MAPK8IP2: variants seen among roughly 807,000 people sequenced by gnomAD.
The protein encoded by MAPK8IP2 is C-Jun-amino-terminal kinase-interacting protein 2.
MAPK8IP2 carries 15 observed loss-of-function variants against 75.6 expected under a neutral mutation model. That is an observed-to-expected ratio of 0.20 (90% CI 0.13 to 0.31). The LOEUF (loss-of-function observed/expected upper bound fraction) is 0.31, where lower values mean the gene tolerates loss of function less well. MAPK8IP2 is among the 10% of genes least tolerant of loss of function. The probability of loss-of-function intolerance (pLI) is 1.00; values close to 1 mark genes in which losing one functional copy is unlikely to be tolerated. For missense variants in MAPK8IP2, 1,089 were observed against 1,211.2 expected, an observed-to-expected ratio of 0.90 and a Z score of 1.50; for synonymous variants, 632 against 554.5, an observed-to-expected ratio of 1.14 and a Z score of -1.96.
At position 50,603,664 on chromosome 22, in the gene MAPK8IP2, T is replaced by C. The variant is rs1259530019; in HGVS notation, c.486T>C (p.Arg162=). ...LNNNGGFDLV[R]PASWQETALC... is the part of the protein sequence containing the mutation. ...ACAACGGAGGCTTTGACCTGGTGCG[T>C]CCGGCCTCCTGGCAGGAGACAGCGC... The change falls in exon 4 of 12, where the codon CGT becomes CGC. Residue 162 remains arginine (R), a synonymous_variant. Coordinates refer to ENST00000329492, the MANE Select transcript of MAPK8IP2 (RefSeq NM_012324.6). 3 of 1,591,972 alleles carry C rather than the reference T, an allele frequency of 1.9e-6. No homozygotes were observed. The highest frequency in any genetic ancestry group is 1.3e-5 in the African/African-American group (1 of 74,504).
intron 8 of MAPK8IP2, 145 bp downstream of exon 8, chr22:50,606,079 C>T (rs554733314): frequency 5.3e-5 from 37 of 695,838 alleles, no homozygotes; most frequent in Admixed American, 1.1e-4. Flanking sequence ...AGGGGGAGCT[C>T]GGGGTGGGTA....
intron 10 of MAPK8IP2, among the ~76,000 whole-genome samples, chr22:50,608,813 T>C (rs5770939): frequency 0.81 from 104,781 of 129,106 alleles, 42,897 homozygotes; most frequent in East Asian, 0.98. Context: ...CTGGGGTCAC[T>C]GGGACAGCGG....
chr22:50,604,967 C>T lies in MAPK8IP2; in HGVS notation c.1668C>T (p.Gly556=), dbSNP rs761726915. The T allele has an allele frequency of 1.9e-6, 3 of 1,612,178 alleles. No individual in the cohort carries two copies. Among genetic ancestry groups the T allele is most frequent in the Admixed American group, 1.7e-5 (1 of 60,020 alleles). The change falls in exon 5 of 12, where the codon GGC becomes GGT. Residue 556 remains glycine, a synonymous_variant. Transcript: ENST00000329492. ...AGGCGGGCGCGGCGCTGCTAGGCGG[C>T]GGTCAGGTCTCGGGGGACACCTCGC... ...EEEAGAALLG[G]GQVSGDTSPD...
chr22:50,605,427 C>T lies in MAPK8IP2; in HGVS notation c.1825C>T (p.His609Tyr), dbSNP rs1232272120. Reference sequence around the variant, plus strand: ...CAACGGCGAGGAGCGAGAGCAGACTCACCGGGCTGTGTTCAGGTACGGCCT... The same window carrying T: ...CAACGGCGAGGAGCGAGAGCAGACTTACCGGGCTGTGTTCAGGTACGGCCT... ...LVNGEEREQT[H>Y]RAVFRFIPRH... Residue 609 changes from histidine to tyrosine, a missense_variant, in exon 6 of 12, where the codon CAC becomes TAC. Around this residue, in one of 2 missense-constraint regions of MAPK8IP2, gnomAD observed 960 missense variants for 1,009.6 expected, o/e 0.95. Coordinates refer to ENST00000329492, the MANE Select transcript of MAPK8IP2 (RefSeq NM_012324.6). 6.2e-7 allele frequency: 1 copy of T among 1,613,702 alleles called. No homozygotes were observed.
At position 50,611,551 on chromosome 22, in the gene MAPK8IP2, A is replaced by G. The variant is rs1475238030; in HGVS notation, c.*772A>G. 6.6e-6 allele frequency: 1 copy of G among 152,318 alleles called. No homozygotes were observed. Among genetic ancestry groups the G allele is most frequent in the Non-Finnish European group, 1.5e-5 (1 of 68,178 alleles). The allele number at this position is 152,318 out of a possible 1,614,324, so 9.4% of individuals were successfully genotyped here. A position where few individuals can be genotyped will look rare whatever the true frequency, so the allele number is the denominator to read the frequency against. On this transcript the variant is annotated 3_prime_UTR_variant, in exon 12 of 12. Transcript: ENST00000329492. The surrounding 1 kb of genome is among the most constrained non-coding windows in gnomAD (Gnocchi z 5.5). The stretch of plus-strand genomic sequence containing the variant: ...CAATAAACTCTCTGCTTGGTGTGAC[A>G]TTGGCTGTTTCTAGAGGGTGCTAAG...
In MAPK8IP2 at chr22:50,606,768, G is replaced by T. The variant is rs762632230; in HGVS notation, c.2232+3G>T. The T allele has an allele frequency of 6.3e-7, 1 of 1,574,914 alleles. No individual in the cohort carries two copies. The highest frequency in any genetic ancestry group is 1.2e-5 in the South Asian group (1 of 86,510). Reference sequence around the variant, plus strand: ...GTCTGAGCGGAGGAGGGCCCGAGGTGGGAGTGTGGGGGACTGGGGACCGGG... The same window carrying T: ...GTCTGAGCGGAGGAGGGCCCGAGGTTGGAGTGTGGGGGACTGGGGACCGGG... On this transcript the variant is annotated splice_donor_region_variant and intron_variant, in intron 9 of 11. Transcript: ENST00000329492.
In MAPK8IP2 at chr22:50,612,716, A is replaced by G. The variant is rs1235130407; in HGVS notation, c.*1937A>G. ...GCCCCACTGGGTGTGTACGTTTGAA[A>G]CTTGTGCCCCCTGGGCTAGGGCATT... On this transcript the variant is annotated 3_prime_UTR_variant, in exon 12 of 12. Transcript: ENST00000329492. The G allele has an allele frequency of 1.3e-5, 2 of 152,262 alleles. No homozygotes were observed. Among genetic ancestry groups the G allele is most frequent in the African/African-American group, 4.8e-5 (2 of 41,452 alleles). The allele number at this position is 152,262 out of a possible 1,614,324, so 9.4% of individuals were successfully genotyped here. A position where few individuals can be genotyped will look rare whatever the true frequency, so the allele number is the denominator to read the frequency against.
At chr22:50,602,548 A>G (rs936335579) in intron 2 of MAPK8IP2, among the ~76,000 whole-genome samples, 2 of 152,224 alleles carry the variant, frequency 1.3e-5, no homozygotes, top group Non-Finnish European at 2.9e-5. Flanking sequence ...ACGAGGGGGA[A>G]GGGAACCCAA....
chr22:50,608,574 T>G (rs1232451771), intron 10 of MAPK8IP2, among the ~76,000 whole-genome samples: 1 of 114,902 alleles, frequency 8.7e-6, no homozygotes, highest in Admixed American at 9.4e-5. Flanking sequence ...GACCAGACAG[T>G]GGGGCCAGCT....
chr22:50,609,846 G>A (rs760751158), intron 10 of MAPK8IP2: 21 of 519,534 alleles, frequency 4.0e-5, no homozygotes, highest in Middle Eastern at 3.1e-4. Context: ...GCCCGCAGGA[G>A]GAGGCCTGAG....
chr22:50,604,364 G>A lies in MAPK8IP2; in HGVS notation c.1065G>A (p.Val355=), dbSNP rs2071002293. The part of the protein sequence containing the change: ...ADSPWLLSNL[V]SRMISEGSSP... ...CGCCCTGGCTGCTCAGCAACCTGGT[G>A]AGCCGCATGATCTCCGAGGGCTCCT... Residue 355 remains valine, a synonymous_variant, in exon 5 of 12, where the codon GTG becomes GTA. Coordinates refer to ENST00000329492, the MANE Select transcript of MAPK8IP2 (RefSeq NM_012324.6). The A allele has an allele frequency of 1.3e-6, 2 of 1,532,900 alleles. No homozygotes were observed. Among genetic ancestry groups the A allele is most frequent in the African/African-American group, 1.4e-5 (1 of 72,454 alleles). The allele number at this position is 1,532,900 out of a possible 1,614,324, so 95.0% of individuals were successfully genotyped here. A position where few individuals can be genotyped will look rare whatever the true frequency, so the allele number is the denominator to read the frequency against.
chr22:50,610,005 G>C lies in MAPK8IP2; in HGVS notation c.2304-207G>C, dbSNP rs370486730. On this transcript the variant is annotated intron_variant, in intron 10 of 11. Coordinates refer to ENST00000329492, the MANE Select transcript of MAPK8IP2 (RefSeq NM_012324.6). This position sits in a 1 kb window ranked among gnomAD's most constrained non-coding sequence, Gnocchi z 4.3. ...GGTCATCATGGAATTAACTCAGAGCGTGAACTCTTGGTAGGTGCCCAGCCC... is the reference window on the plus strand; with the variant it reads ...GGTCATCATGGAATTAACTCAGAGCCTGAACTCTTGGTAGGTGCCCAGCCC... The C allele has an allele frequency of 4.1e-6, 3 of 731,800 alleles. No individual in the cohort carries two copies. The Admixed American group carries it at 5.3e-5, about 13-fold the overall frequency. The allele number at this position is 731,800 out of a possible 1,614,324, so 45.3% of individuals were successfully genotyped here.
chr22:50,603,441 G>A lies in MAPK8IP2; in HGVS notation c.390G>A (p.Val130=). 2.5e-6 allele frequency: 4 copies of A among 1,569,948 alleles called. No individual in the cohort carries two copies. Among genetic ancestry groups the A allele is most frequent in the Non-Finnish European group, 3.5e-6 (4 of 1,155,910 alleles). ...GGCCCCTTATCCCCTCCCCTTCCGT[G>A]GAGGAGCCCCACAAGCACCGGCCCA... is the stretch of plus-strand genomic sequence containing the variant. ...APGPLIPSPS[V]EEPHKHRPTT... is the part of the protein sequence containing the mutation. The change falls in exon 3 of 12, where the codon GTG becomes GTA. Residue 130 remains valine (V), a synonymous_variant. Transcript: ENST00000329492.
chr22:50,605,087 G>A (rs766978994), intron 5 of MAPK8IP2, 23 bp downstream of exon 5: 1 of 1,611,994 alleles, frequency 6.2e-7, no homozygotes, highest in South Asian at 1.1e-5. Context: ...TGGGGAAAAG[G>A]GGGGTGGCCC....
Position 50,604,529 on chromosome 22 carries a change from C to T in MAPK8IP2, c.1230C>T (p.Asp410=). The T allele has an allele frequency of 8.4e-7, 1 of 1,188,034 alleles. No individual in the cohort carries two copies. Among genetic ancestry groups the T allele is most frequent in the South Asian group, 4.0e-5 (1 of 24,790 alleles). 73.6% of individuals were successfully genotyped at this position (1,188,034 alleles called of 1,614,324 possible). A position where few individuals can be genotyped will look rare whatever the true frequency, so the allele number is the denominator to read the frequency against. Residue 410 remains aspartate (D), a synonymous_variant, in exon 5 of 12, where the codon GAC becomes GAT. Coordinates refer to ENST00000329492, the MANE Select transcript of MAPK8IP2 (RefSeq NM_012324.6). ...AAGPGGVELV[D]METLCAPPPP... ...GGCCCGGCGGCGTGGAGCTGGTGGA[C>T]ATGGAGACGCTGTGCGCGCCGCCGC...
chr22:50,601,720 C>A, intron 1 of MAPK8IP2, 69 bp from the exon 2 acceptor site: 1 of 1,230,302 alleles, frequency 8.1e-7, no homozygotes, highest in Non-Finnish European at 1.2e-6. Context: ...CCCTCTGCCC[C>A]TCCTCAGGGC....
intron 2 of MAPK8IP2, 58 bp from the exon 3 acceptor site, chr22:50,603,165 G>A (rs1195112800): frequency 1.2e-6 from 2 of 1,610,640 alleles, no homozygotes. Flanking sequence ...CTAGCACCTG[G>A]GCCCCTGGGC....
intron 2 of MAPK8IP2, 187 bp from the exon 3 acceptor site, chr22:50,603,036 G>A: frequency 1.5e-6 from 2 of 1,293,158 alleles, no homozygotes; most frequent in Non-Finnish European, 2.1e-6. Context: ...CCCTTCCCAA[G>A]AACTGGAGTG....
rs1393060784 is a variant in MAPK8IP2 at position 50,603,928 on chromosome 22, G to A, written c.629G>A (p.Arg210Gln). The change falls in exon 5 of 12, where the codon CGG (arginine) becomes CAG (glutamine). Residue 210 changes from arginine to glutamine, a missense_variant. Arg to Gln is a conservative substitution (Grantham distance 43, BLOSUM62 1). This residue lies in a region of MAPK8IP2 where 960 missense variants were observed against 1,009.6 expected (regional missense o/e 0.95). Transcript: ENST00000329492. ...VRPGCDCEGN[R>Q]PAEPPAPGGT... The stretch of plus-strand genomic sequence containing the variant: ...CCGGGTTGCGACTGCGAAGGGAACC[G>A]GCCTGCGGAACCCCCTGCGCCAGGG... 1.5e-5 allele frequency: 23 copies of A among 1,540,430 alleles called. No homozygotes were observed. Among genetic ancestry groups the A allele is most frequent in the Non-Finnish European group, 1.7e-5 (20 of 1,147,034 alleles).
Sources: allele counts gnomAD v4.1 joint callset (sites outside exome capture counted in the v4.1 genomes callset), GRCh38; gene constraint gnomAD v4.1.1; regional missense constraint gnomAD v4.1.1; non-coding constraint Gnocchi (gnomAD v3.1); transcripts MANE v1.5; gene names NCBI Gene and HGNC (gene_info 2026-07-23, HGNC 2026-07-21).